MOXD1: variants seen among roughly 807,000 people sequenced by gnomAD.
MOXD1 encodes DBH-like monooxygenase protein 1.
A neutral mutation model predicts 66.6 loss-of-function variants in MOXD1; 62 were observed. That is an observed-to-expected ratio of 0.93 (90% CI 0.76 to 1.15). The LOEUF (loss-of-function observed/expected upper bound fraction) is 1.15. Among genes scored for constraint, MOXD1 ranks in the 50% most tolerant of loss-of-function variants. The probability of loss-of-function intolerance (pLI) is 0.00; values close to 1 mark genes in which losing one functional copy is unlikely to be tolerated. For synonymous variants in MOXD1, 303 were observed against 281.9 expected, an observed-to-expected ratio of 1.07 and a Z score of -0.75; for missense variants, 847 against 754.6, an observed-to-expected ratio of 1.12 and a Z score of -1.44.
intron 4 of MOXD1, among the ~76,000 whole-genome samples, chr6:132,338,370 A>C (rs1458212788): frequency 6.6e-6 from 1 of 152,156 alleles, no homozygotes; most frequent in Non-Finnish European, 1.5e-5. Flanking sequence ...ATTTCTAATC[A>C]CTTGTATCTG....
chr6:132,375,305 A>T (rs1776355835), intron 1 of MOXD1, among the ~76,000 whole-genome samples: 1 of 152,232 alleles, frequency 6.6e-6, no homozygotes, highest in Non-Finnish European at 1.5e-5. Flanking sequence ...TATTAAAATA[A>T]AATGCAATGG....
rs142715593 is a variant in MOXD1 at position 132,348,640 on chromosome 6, G to T, written c.664-20046C>A. Among the ~76,000 whole-genome samples, 975 of 152,094 alleles carry T rather than the reference G, an allele frequency of 6.4e-3. 10 individuals are homozygous for T. The highest frequency in any genetic ancestry group is 0.022 in the African/African-American group (919 of 41,506). ...ATGAAGAAAACATATAAAAAACACG[G>T]GTGATTTATTCCATATTGTATAAAA... On this transcript the variant is annotated intron_variant, in intron 4 of 11. Coordinates refer to ENST00000367963, the MANE Select transcript of MOXD1 (RefSeq NM_015529.4).
intron 1 of MOXD1, among the ~76,000 whole-genome samples, chr6:132,375,963 A>G (rs1246230537): frequency 2.0e-5 from 3 of 152,212 alleles, no homozygotes; most frequent in Non-Finnish European, 2.9e-5. Context: ...CTACATGGTT[A>G]GCGCCCATTC....
chr6:132,333,314 C>T lies in MOXD1; in HGVS notation c.664-4720G>A, dbSNP rs989897057. Among the ~76,000 whole-genome samples, 291 of 129,502 alleles carry T rather than the reference C, an allele frequency of 2.2e-3. 2 individuals are homozygous for T. The highest frequency in any genetic ancestry group is 9.0e-3 in the African/African-American group (279 of 31,112). The allele number at this position is 129,502 out of a possible 152,430, so 85.0% of individuals were successfully genotyped here. A position where few individuals can be genotyped will look rare whatever the true frequency, so the allele number is the denominator to read the frequency against. On this transcript the variant is annotated intron_variant, in intron 4 of 11. Transcript: ENST00000367963. ...TCGCCCCACTGCACTCCAGCCTGGGCTACAGAGTGAGACTCCGTCTCAAAA... is the reference window on the plus strand; with the variant it reads ...TCGCCCCACTGCACTCCAGCCTGGGTTACAGAGTGAGACTCCGTCTCAAAA...
intron 4 of MOXD1, among the ~76,000 whole-genome samples, chr6:132,348,638 C>T (rs547256330): frequency 9.9e-5 from 15 of 152,224 alleles, no homozygotes; most frequent in African/African-American, 3.1e-4. Flanking sequence ...ATAAAAAACA[C>T]GGGTGATTTA....
At chr6:132,357,852 C>T (rs551368854) in intron 4 of MOXD1, among the ~76,000 whole-genome samples, 1 of 152,210 alleles carries the variant, frequency 6.6e-6, no homozygotes, top group Non-Finnish European at 1.5e-5. Context: ...ATTTCAATCT[C>T]AATTTCAATT....
chr6:132,370,317 C>T (rs1776239295), intron 4 of MOXD1, among the ~76,000 whole-genome samples: 3 of 151,956 alleles, frequency 2.0e-5, no homozygotes, highest in South Asian at 4.1e-4. Flanking sequence ...TTTATGAATT[C>T]TACATCATTA....
At chr6:132,356,600 A>G (rs1719260798) in intron 4 of MOXD1, among the ~76,000 whole-genome samples, 1 of 152,218 alleles carries the variant, frequency 6.6e-6, no homozygotes, top group African/African-American at 2.4e-5. Context: ...GGTAGCAAAA[A>G]GCTTACAACA....
rs527981136 is a variant in MOXD1 at position 132,327,952 on chromosome 6, C to T, written c.946+61G>A. 10 of 1,363,228 alleles carry T rather than the reference C, an allele frequency of 7.3e-6. No individual in the cohort carries two copies. In the South Asian group the frequency reaches 1.1e-4, roughly 15 times the overall value. 84.4% of individuals were successfully genotyped at this position (1,363,228 alleles called of 1,614,324 possible). On this transcript the variant is annotated intron_variant, in intron 6 of 11. Coordinates refer to ENST00000367963, the MANE Select transcript of MOXD1 (RefSeq NM_015529.4). ...TATTTTGTTTCAACTCTGTTAAAGA[C>T]TTACAAGGTACAAAACTTTTTATAA...
chr6:132,331,107 G>A (rs1433282932), intron 4 of MOXD1, among the ~76,000 whole-genome samples: 3 of 152,196 alleles, frequency 2.0e-5, no homozygotes, highest in Non-Finnish European at 2.9e-5. Context: ...TTGCACAGAA[G>A]TAAAACCCAG....
At position 132,359,641 on chromosome 6, in the gene MOXD1, G is replaced by T. The variant is rs985653340; in HGVS notation, c.663+12967C>A. ...AGCTGGGACTACAGGCGCCCGCCAC[G>T]AAGCCCGGCTAATTTTTTGTATTTT... On this transcript the variant is annotated intron_variant, in intron 4 of 11. Coordinates refer to ENST00000367963, the MANE Select transcript of MOXD1 (RefSeq NM_015529.4). Among the ~76,000 whole-genome samples the T allele has an allele frequency of 2.6e-5, 4 of 151,798 alleles. No homozygotes were observed. In the East Asian group the frequency reaches 5.8e-4, roughly 22 times the overall value.
chr6:132,376,536 C>T (rs1400060313), intron 1 of MOXD1, among the ~76,000 whole-genome samples: 2 of 39,838 alleles, frequency 5.0e-5, no homozygotes, highest in Admixed American at 4.5e-4. Context: ...TTTTTTGAGA[C>T]GGAGTCTCGC....
rs755134586 is a variant in MOXD1 at position 132,401,154 on chromosome 6, C to T, written c.264+9G>A. The T allele has an allele frequency of 4.0e-6, 6 of 1,497,822 alleles. No individual in the cohort carries two copies. The highest frequency in any genetic ancestry group is 5.3e-6 in the Non-Finnish European group (6 of 1,128,286). The allele number at this position is 1,497,822 out of a possible 1,614,324, so 92.8% of individuals were successfully genotyped here. A position where few individuals can be genotyped will look rare whatever the true frequency, so the allele number is the denominator to read the frequency against. On this transcript the variant is annotated intron_variant, in intron 1 of 11. Transcript: ENST00000367963. The stretch of plus-strand genomic sequence containing the variant: ...CGGCCGGGCGGGCTCCGGGAGGAGA[C>T]GCGCTTACCTGGAGGTAGGGCCGCC...
chr6:132,377,861 C>CTCA (rs1562297440), intron 1 of MOXD1, among the ~76,000 whole-genome samples: 1 of 152,176 alleles, frequency 6.6e-6, no homozygotes, highest in African/African-American at 2.4e-5. Flanking sequence ...GGCGCAGTGG[C>CTCA]TCATGCCTGT....
chr6:132,303,300 C>T (rs964828087), intron 10 of MOXD1, among the ~76,000 whole-genome samples: 1 of 152,066 alleles, frequency 6.6e-6, no homozygotes, highest in African/African-American at 2.4e-5. Flanking sequence ...ATTCTTACAA[C>T]TCAGTAATAA....
intron 4 of MOXD1, among the ~76,000 whole-genome samples, chr6:132,369,911 T>A (rs1445581672): frequency 6.6e-6 from 1 of 152,126 alleles, no homozygotes; most frequent in Non-Finnish European, 1.5e-5. Context: ...CACAGATAAG[T>A]GGGTCTAGGC....
At chr6:132,307,331 T>C (rs1020887940) in intron 10 of MOXD1, among the ~76,000 whole-genome samples, 2 of 152,174 alleles carry the variant, frequency 1.3e-5, no homozygotes, top group Non-Finnish European at 2.9e-5. Context: ...ATTCTAAATA[T>C]ATATGCACTC....
chr6:132,334,403 T>C (rs1273648773), intron 4 of MOXD1, among the ~76,000 whole-genome samples: 1 of 152,204 alleles, frequency 6.6e-6, no homozygotes, highest in Non-Finnish European at 1.5e-5. Flanking sequence ...GCCAGCCATT[T>C]TCTCCTGGAA....
At chr6:132,326,818 TCA>T (rs1344458316) in intron 6 of MOXD1, among the ~76,000 whole-genome samples, 5 of 152,218 alleles carry the variant, frequency 3.3e-5, no homozygotes, top group African/African-American at 1.2e-4. Flanking sequence ...ATTGGCTTGC[TCA>T]CAAATAGAAT....
Sources: gnomAD v4.1 joint callset for allele counts (sites outside exome capture counted in the v4.1 genomes callset) on GRCh38, gnomAD v4.1.1 for gene constraint, MANE v1.5 for transcripts, NCBI Gene and HGNC (gene_info 2026-07-23, HGNC 2026-07-21) for gene names.